RPS6KA2: variants seen among roughly 807,000 people sequenced by gnomAD.
RPS6KA2 encodes the protein ribosomal protein S6 kinase alpha-2.
RPS6KA2 carries 42 observed loss-of-function variants against 91.8 expected under a neutral mutation model. That is an observed-to-expected ratio of 0.46 (90% CI 0.36 to 0.59). The LOEUF is 0.59. Among genes scored for constraint, RPS6KA2 ranks in the 20% least tolerant of loss-of-function variants. RPS6KA2 has a pLI of 0.00. For missense variants in RPS6KA2, 798 were observed against 978.5 expected (o/e 0.82, Z 2.46); for synonymous variants, 414 against 393.6 (o/e 1.05, Z -0.61).
chr6:166,857,837 G>C (rs1483170885), intron 2 of RPS6KA2, among the ~76,000 whole-genome samples: 1 of 152,164 alleles, frequency 6.6e-6, no homozygotes, highest in Non-Finnish European at 1.5e-5. Flanking sequence ...ATGACTTCCA[G>C]TACAGGGAGC....
intron 12 of RPS6KA2, among the ~76,000 whole-genome samples, chr6:166,457,138 C>G (rs913474556): frequency 6.6e-6 from 1 of 152,228 alleles, no homozygotes; most frequent in Non-Finnish European, 1.5e-5. Context: ...TGGCACCTCA[C>G]GAGGATGTGT....
At chr6:166,464,773 A>G (rs1353196052) in intron 11 of RPS6KA2, among the ~76,000 whole-genome samples, 1 of 152,204 alleles carries the variant, frequency 6.6e-6, no homozygotes, top group African/African-American at 2.4e-5. Flanking sequence ...TAGTCCGATC[A>G]TTAACTCGTG....
intron 7 of RPS6KA2, among the ~76,000 whole-genome samples, chr6:166,499,729 G>T (rs1781951680): frequency 6.6e-6 from 1 of 152,210 alleles, no homozygotes. Flanking sequence ...GAATTACCCA[G>T]CCTTGGGTAT....
chr6:166,634,459 C>T (rs778532808), intron 2 of RPS6KA2, among the ~76,000 whole-genome samples: 1 of 152,138 alleles, frequency 6.6e-6, no homozygotes, highest in Non-Finnish European at 1.5e-5. Flanking sequence ...AAATCGAAAT[C>T]GAAATCGCTG....
chr6:166,487,865 G>A (rs970603535), intron 10 of RPS6KA2, among the ~76,000 whole-genome samples: 1 of 152,264 alleles, frequency 6.6e-6, no homozygotes, highest in Admixed American at 6.5e-5. Flanking sequence ...GGAGTAGGAA[G>A]GTACTTTTGA....
chr6:166,634,243 A>T (rs1211798045), intron 2 of RPS6KA2, among the ~76,000 whole-genome samples: 1 of 152,188 alleles, frequency 6.6e-6, no homozygotes, highest in Non-Finnish European at 1.5e-5. Context: ...TGTCCTCATG[A>T]AGAGCAAACC....
intron 2 of RPS6KA2, among the ~76,000 whole-genome samples, chr6:166,658,253 G>C (rs1344906459): frequency 2.0e-5 from 3 of 152,152 alleles, no homozygotes; most frequent in African/African-American, 7.2e-5. Flanking sequence ...TGAGGAAGCA[G>C]GGTCAGCCCT....
In RPS6KA2 at chr6:166,802,586, G is replaced by T. The variant is rs1038485295; in HGVS notation, c.123+55614C>A. Among the ~76,000 whole-genome samples the T allele has an allele frequency of 2.6e-5, 4 of 152,296 alleles. No homozygotes were observed. In the East Asian group the frequency reaches 7.7e-4, roughly 29 times the overall value. ...AATGTTTTCTGGGCTGACTCATTTG[G>T]TCTTTAGAGGGGAAGACTCTCTGAA... On this transcript the variant is annotated intron_variant, in intron 2 of 21. Transcript: ENST00000503859.
At chr6:166,625,614 G>A (rs998018445) in intron 1 of RPS6KA2, among the ~76,000 whole-genome samples, 2 of 152,018 alleles carry the variant, frequency 1.3e-5, no homozygotes, top group Admixed American at 1.3e-4. Flanking sequence ...ACATGTATCC[G>A]GATAAAGATA....
At chr6:166,442,724 G>A (rs1462676617) in intron 14 of RPS6KA2, among the ~76,000 whole-genome samples, 1 of 152,150 alleles carries the variant, frequency 6.6e-6, no homozygotes, top group East Asian at 1.9e-4. Context: ...CTCGAATGAT[G>A]TAATGTAGTT....
chr6:166,605,625 A>G (rs1354829119), intron 1 of RPS6KA2, among the ~76,000 whole-genome samples: 1 of 152,212 alleles, frequency 6.6e-6, no homozygotes, highest in Admixed American at 6.5e-5. Flanking sequence ...ACAATAAATT[A>G]ACATGTAGAG....
At chr6:166,449,590 C>T (rs1383211412) in intron 13 of RPS6KA2, among the ~76,000 whole-genome samples, 1 of 152,104 alleles carries the variant, frequency 6.6e-6, no homozygotes, top group Non-Finnish European at 1.5e-5. Flanking sequence ...GAAAATGATG[C>T]CCACAAATTA....
intron 16 of RPS6KA2, among the ~76,000 whole-genome samples, chr6:166,429,040 T>C (rs1779025642): frequency 6.6e-6 from 1 of 152,002 alleles, no homozygotes; most frequent in Non-Finnish European, 1.5e-5. Flanking sequence ...CCAACCCAAA[T>C]GTTCAACAAT....
intron 2 of RPS6KA2, among the ~76,000 whole-genome samples, chr6:166,763,540 A>G (rs1413417073): frequency 1.3e-5 from 2 of 152,222 alleles, no homozygotes; most frequent in Non-Finnish European, 2.9e-5. Context: ...CTTAGAACAT[A>G]CTGAGTATTC....
intron 2 of RPS6KA2, among the ~76,000 whole-genome samples, chr6:166,713,314 ATTTTGTTTTG>A (rs761918328): frequency 1.3e-5 from 2 of 152,288 alleles, no homozygotes; most frequent in East Asian, 1.9e-4. Context: ...AGGGGTTTTC[ATTTTGTTTTG>A]TTTTGTTTTG....
intron 2 of RPS6KA2, among the ~76,000 whole-genome samples, chr6:166,806,793 G>A (rs1779503469): frequency 7.2e-6 from 1 of 139,732 alleles, no homozygotes; most frequent in Admixed American, 7.2e-5. Flanking sequence ...AGAGATTACT[G>A]CATTAAAAAA....
intron 2 of RPS6KA2, chr6:166,701,830 A>G: frequency 2.2e-6 from 2 of 902,464 alleles, no homozygotes; most frequent in Non-Finnish European, 3.6e-6. Flanking sequence ...CACATGTCTC[A>G]ACATTGCCTT....
chr6:166,627,313 C>T (rs1786928998), upstream of RPS6KA2: 2 of 785,414 alleles, frequency 2.5e-6, no homozygotes, highest in Non-Finnish European at 3.1e-6. Flanking sequence ...CAATCAGCGC[C>T]CGCCGCTCCG....
intron 1 of RPS6KA2, among the ~76,000 whole-genome samples, chr6:166,568,621 G>GAAAAAAAAAAAAAAAA (rs60613942): frequency 2.2e-5 from 1 of 45,532 alleles, no homozygotes; most frequent in Non-Finnish European, 4.1e-5. Flanking sequence ...CTCCATCTCA[G>GAAAAAAAAAAAAAAAA]AAAAAAAAAA....
Sources: gnomAD v4.1 joint callset for allele counts (sites outside exome capture counted in the v4.1 genomes callset) on GRCh38, gnomAD v4.1.1 for gene constraint, MANE v1.5 for transcripts, NCBI Gene and HGNC (gene_info 2026-07-23, HGNC 2026-07-21) for gene names.